The following PLCG2 variants were observed in gnomAD, a reference collection of about 807,000 sequenced individuals.
PLCG2 encodes the protein phospholipase C gamma 2.
In PLCG2, 69 loss-of-function variants were observed where a neutral mutation model predicts 175.6. The observed-to-expected ratio is 0.39, with a 90% CI of 0.32 to 0.48. The LOEUF (loss-of-function observed/expected upper bound fraction) is 0.48. PLCG2 is among the 20% of genes least tolerant of loss of function. PLCG2 has a pLI of 0.91. For missense variants in PLCG2, 1,798 were observed against 1,650.9 expected (o/e 1.09, Z -1.54); for synonymous variants, 827 against 624.0 (o/e 1.33, Z -4.85).
At chr16:81,775,126 A>G (rs566498924), upstream of PLCG2, among the ~76,000 whole-genome samples, 24 of 152,284 alleles carry the variant, frequency 1.6e-4, no homozygotes, top group African/African-American at 5.8e-4. Context: ...TACAGTACAG[A>G]GGCTTCAGCA....
chr16:81,842,425 C>T (rs76684441), intron 2 of PLCG2, among the ~76,000 whole-genome samples: 9,393 of 152,276 alleles, frequency 0.062, 362 homozygotes, highest in Non-Finnish European at 0.089. Context: ...CTGTGTCTGT[C>T]TCTGCAGTGT....
At chr16:81,793,514 C>G (rs1222481851) in intron 2 of PLCG2, among the ~76,000 whole-genome samples, 1 of 152,200 alleles carries the variant, frequency 6.6e-6, no homozygotes, top group Admixed American at 6.6e-5. Flanking sequence ...GCGTCCATCT[C>G]AACTGTGTAG....
chr16:81,892,988 G>T (rs1908708692), intron 11 of PLCG2, among the ~76,000 whole-genome samples: 1 of 151,794 alleles, frequency 6.6e-6, no homozygotes, highest in South Asian at 2.1e-4. Context: ...GGGACTCCGG[G>T]CACGAGCCAC....
Position 81,854,455 on chromosome 16 carries a change from G to T in PLCG2, c.205G>T (p.Glu69Ter). 6.2e-7 allele frequency: 1 copy of T among 1,614,068 alleles called. No homozygotes were observed. The highest frequency in any genetic ancestry group is 8.5e-7 in the Non-Finnish European group (1 of 1,179,938). The part of the protein sequence containing the change: ...DKIEGFLDIM[E>*]IKEIRPGKNS... ...TAATTTCATTTTAGTGGATATCATG[G>T]AAATAAAAGAAATCCGCCCAGGGAA... The change falls in exon 3 of 33, where the codon GAA becomes TAA. Residue 69 changes from glutamate to a stop codon, truncating the protein, a stop_gained. Transcript: ENST00000564138. LOFTEE classifies it high-confidence loss of function.
intron 2 of PLCG2, among the ~76,000 whole-genome samples, chr16:81,851,632 C>G (rs139812594): frequency 1.3e-5 from 2 of 152,182 alleles, no homozygotes; most frequent in Non-Finnish European, 2.9e-5. Context: ...TCTGCCTCAT[C>G]CTCCCAAGTA....
intron 16 of PLCG2, 69 bp from the exon 17 acceptor site, chr16:81,908,347 A>G: frequency 7.2e-7 from 1 of 1,392,584 alleles, no homozygotes; most frequent in Admixed American, 1.8e-5. Context: ...GTGAGACAGA[A>G]GGACCTGTCT....
chr16:81,812,545 G>A (rs1045364836), intron 2 of PLCG2, among the ~76,000 whole-genome samples: 1 of 152,062 alleles, frequency 6.6e-6, no homozygotes, highest in African/African-American at 2.4e-5. Context: ...GTTTTTTCTT[G>A]TAAATTTGTT....
intron 2 of PLCG2, among the ~76,000 whole-genome samples, chr16:81,791,315 T>G (rs1043299898): frequency 7.9e-5 from 12 of 152,020 alleles, no homozygotes; most frequent in Admixed American, 5.9e-4. Flanking sequence ...TGGGTGGAGT[T>G]TAGAGAGATT....
At chr16:81,744,782 T>C (rs979003320) in intron 1 of PLCG2, among the ~76,000 whole-genome samples, 2 of 151,746 alleles carry the variant, frequency 1.3e-5, no homozygotes, top group Admixed American at 6.6e-5. Flanking sequence ...CCCAGGCTGA[T>C]CTTGAACTCC....
intron 7 of PLCG2, among the ~76,000 whole-genome samples, chr16:81,873,496 A>C (rs1597366553): frequency 6.6e-6 from 1 of 152,358 alleles, no homozygotes; most frequent in South Asian, 2.1e-4. Context: ...CATCTTATGC[A>C]ATTGACCAGG....
chr16:81,832,199 T>C (rs924341320), intron 2 of PLCG2, among the ~76,000 whole-genome samples: 3 of 152,172 alleles, frequency 2.0e-5, no homozygotes, highest in African/African-American at 4.8e-5. Flanking sequence ...TGGTGAATAC[T>C]TGGGGGGATA....
chr16:81,887,802 T>A (rs534199104), intron 9 of PLCG2, among the ~76,000 whole-genome samples: 74 of 152,360 alleles, frequency 4.9e-4, no homozygotes, highest in African/African-American at 1.7e-3. Context: ...TTTCATCCCC[T>A]TTTCCTATGA....
chr16:81,827,423 A>G (rs1278045162), intron 2 of PLCG2, among the ~76,000 whole-genome samples: 2 of 151,966 alleles, frequency 1.3e-5, no homozygotes, highest in South Asian at 4.1e-4. Flanking sequence ...TCCTAGGCTC[A>G]AGGAGTTCAC....
At chr16:81,837,544 G>A (rs1039643455) in intron 2 of PLCG2, among the ~76,000 whole-genome samples, 3 of 152,224 alleles carry the variant, frequency 2.0e-5, no homozygotes, top group East Asian at 1.9e-4. Flanking sequence ...AGGGACCCCC[G>A]TGTCGTGGGT....
intron 19 of PLCG2, among the ~76,000 whole-genome samples, chr16:81,913,042 C>T (rs530675699): frequency 6.6e-6 from 1 of 152,338 alleles, no homozygotes; most frequent in African/African-American, 2.4e-5. Context: ...CTGAAGCATG[C>T]AGCCACTAAG....
chr16:81,775,819 C>G (rs1268236596), upstream of PLCG2, among the ~76,000 whole-genome samples: 1 of 152,038 alleles, frequency 6.6e-6, no homozygotes, highest in African/African-American at 2.4e-5. Context: ...ATCCCTCTAC[C>G]CTTTGAGGTC....
rs531264276 is a variant in PLCG2, at chr16:81,807,195, G to C, written c.193+21013G>C. Among the ~76,000 whole-genome samples, 6 of 143,964 alleles carry C rather than the reference G, an allele frequency of 4.2e-5. No homozygotes were observed. In the South Asian group the frequency reaches 9.5e-4, roughly 23 times the overall value. The allele number at this position is 143,964 out of a possible 152,430, so 94.4% of individuals were successfully genotyped here. On this transcript the variant is annotated intron_variant, in intron 2 of 32. Transcript: ENST00000564138. The stretch of plus-strand genomic sequence containing the variant: ...TTCATGTGGTGATTTCACAGGGTCA[G>C]CTCCCCATGTCTTGTCCCAGCGGTG...
chr16:81,946,899 G>A (rs1374576249), intron 31 of PLCG2, among the ~76,000 whole-genome samples: 1 of 17,514 alleles, frequency 5.7e-5, no homozygotes, highest in African/African-American at 1.3e-4. Context: ...CCTTTGCTTA[G>A]TGAAGCAGAC....
intron 14 of PLCG2, among the ~76,000 whole-genome samples, chr16:81,902,562 A>C (rs907036251): frequency 6.6e-6 from 1 of 152,144 alleles, no homozygotes; most frequent in South Asian, 2.1e-4. Context: ...CACCATTCCC[A>C]TTGTTGAGAG....
Sources: allele counts gnomAD v4.1 joint callset (sites outside exome capture counted in the v4.1 genomes callset), GRCh38; gene constraint gnomAD v4.1.1; transcripts MANE v1.5; gene names NCBI Gene and HGNC (gene_info 2026-07-23, HGNC 2026-07-21).